Variants in DPYD observed in about 807,000 individuals in gnomAD.
The protein encoded by DPYD is dihydropyrimidine dehydrogenase [NADP(+)].
In DPYD, 109 loss-of-function variants were observed where a neutral mutation model predicts 116.2. That is an observed-to-expected ratio of 0.94 (90% CI 0.80 to 1.10). The LOEUF is 1.10. DPYD is among the 50% of genes least tolerant of loss of function. The pLI, the probability that DPYD is intolerant of heterozygous loss-of-function variation, is 0.00. For synonymous variants in DPYD, 440 were observed against 432.0 expected, an observed-to-expected ratio of 1.02 and a Z score of -0.23; for missense variants, 1,302 against 1,254.5, an observed-to-expected ratio of 1.04 and a Z score of -0.57.
At chr1:97,680,075 C>T (rs563423538) in intron 7 of DPYD, among the ~76,000 whole-genome samples, 1 of 152,216 alleles carries the variant, frequency 6.6e-6, no homozygotes, top group South Asian at 2.1e-4. Flanking sequence ...AAGTCTAGTT[C>T]ACAGTGGGCC....
intron 3 of DPYD, among the ~76,000 whole-genome samples, chr1:97,751,913 C>A (rs1664951459): frequency 6.6e-6 from 1 of 151,858 alleles, no homozygotes; most frequent in South Asian, 2.1e-4. Context: ...CAGGCCTGTG[C>A]CACCACATCC....
intron 1 of DPYD, among the ~76,000 whole-genome samples, chr1:97,886,421 G>A (rs530479753): frequency 1.4e-4 from 22 of 152,178 alleles, no homozygotes; most frequent in African/African-American, 5.3e-4. Context: ...TAGAGCCAAG[G>A]TTCTACCTCA....
chr1:97,917,484 C>T (rs566662700), intron 1 of DPYD, among the ~76,000 whole-genome samples: 2 of 152,288 alleles, frequency 1.3e-5, no homozygotes, highest in African/African-American at 4.8e-5. Flanking sequence ...GTTAATCATA[C>T]AGAAAATTCC....
chr1:97,224,699 T>C (rs1301571351), intron 19 of DPYD, among the ~76,000 whole-genome samples: 3 of 151,964 alleles, frequency 2.0e-5, no homozygotes, highest in Admixed American at 6.6e-5. Context: ...ATAACTACAG[T>C]TCTACTCTCT....
intron 20 of DPYD, among the ~76,000 whole-genome samples, chr1:97,136,252 G>A (rs1247788076): frequency 6.6e-6 from 1 of 152,134 alleles, no homozygotes; most frequent in East Asian, 1.9e-4. Context: ...AAAATGCTAG[G>A]AATCATTACA....
At chr1:97,254,049 TAA>T (rs887924984) in intron 18 of DPYD, among the ~76,000 whole-genome samples, 3 of 152,142 alleles carry the variant, frequency 2.0e-5, no homozygotes, top group African/African-American at 7.2e-5. Context: ...TAATATTACT[TAA>T]GTTACTTTAT....
At chr1:97,608,822 A>C (rs890015711) in intron 8 of DPYD, among the ~76,000 whole-genome samples, 1 of 151,962 alleles carries the variant, frequency 6.6e-6, no homozygotes, top group South Asian at 2.1e-4. Flanking sequence ...GTTTTGATTT[A>C]TCCCACTACT....
At chr1:97,647,500 G>T (rs377742179) in intron 8 of DPYD, among the ~76,000 whole-genome samples, 3 of 151,704 alleles carry the variant, frequency 2.0e-5, no homozygotes, top group Non-Finnish European at 4.4e-5. Flanking sequence ...TTTATCCAGC[G>T]TGAGTGTTTT....
chr1:97,628,452 G>A (rs891557680), intron 8 of DPYD, among the ~76,000 whole-genome samples: 1 of 152,034 alleles, frequency 6.6e-6, no homozygotes, highest in Admixed American at 6.6e-5. Flanking sequence ...AAATCAGCTA[G>A]TGATAAGAGA....
At chr1:97,615,483 C>CA (rs565581999) in intron 8 of DPYD, among the ~76,000 whole-genome samples, 35 of 152,240 alleles carry the variant, frequency 2.3e-4, no homozygotes, top group African/African-American at 8.2e-4. Flanking sequence ...TACCAAGTAA[C>CA]AAACAGAACC....
At chr1:97,178,759 C>T (rs1557916321) in intron 20 of DPYD, among the ~76,000 whole-genome samples, 1 of 152,198 alleles carries the variant, frequency 6.6e-6, no homozygotes, top group African/African-American at 2.4e-5. Flanking sequence ...TATTAATCCT[C>T]ATAGGCTGGT....
intron 14 of DPYD, among the ~76,000 whole-genome samples, chr1:97,423,925 A>G (rs1674724035): frequency 6.6e-6 from 1 of 152,266 alleles, no homozygotes; most frequent in African/African-American, 2.4e-5. Flanking sequence ...TTTCCAATAA[A>G]CCCACTATAA....
intron 13 of DPYD, among the ~76,000 whole-genome samples, chr1:97,498,879 AAACAAC>A (rs1356953734): frequency 2.9e-4 from 44 of 151,702 alleles, no homozygotes; most frequent in African/African-American, 9.7e-4. Context: ...ATTTAATAGA[AAACAAC>A]ATTGAAATTT....
chr1:97,407,767 A>T (rs1673750902), intron 14 of DPYD, among the ~76,000 whole-genome samples: 1 of 152,132 alleles, frequency 6.6e-6, no homozygotes, highest in African/African-American at 2.4e-5. Context: ...CATCACCCTT[A>T]GTGACCCACT....
At chr1:97,390,850 A>G (rs1354605692) in intron 14 of DPYD, among the ~76,000 whole-genome samples, 1 of 151,890 alleles carries the variant, frequency 6.6e-6, no homozygotes, top group Non-Finnish European at 1.5e-5. Context: ...ACTCCATAAT[A>G]TATTTTTATT....
At chr1:97,400,232 T>C (rs1673291234) in intron 14 of DPYD, among the ~76,000 whole-genome samples, 2 of 152,220 alleles carry the variant, frequency 1.3e-5, no homozygotes, top group African/African-American at 2.4e-5. Flanking sequence ...ATTGGTTCTG[T>C]TTATATGCTG....
intron 12 of DPYD, among the ~76,000 whole-genome samples, chr1:97,529,288 T>C (rs1649378521): frequency 6.6e-6 from 1 of 152,162 alleles, no homozygotes; most frequent in Non-Finnish European, 1.5e-5. Context: ...TCTATATCTA[T>C]CAAGTGCATT....
chr1:97,780,525 T>C (rs572159833), intron 3 of DPYD, among the ~76,000 whole-genome samples: 2 of 152,332 alleles, frequency 1.3e-5, no homozygotes, highest in African/African-American at 4.8e-5. Context: ...TGATGACATC[T>C]GTAAAAGCTA....
At chr1:97,658,118 CTT>C (rs1659044683) in intron 8 of DPYD, among the ~76,000 whole-genome samples, 1 of 152,058 alleles carries the variant, frequency 6.6e-6, no homozygotes, top group African/African-American at 2.4e-5. Flanking sequence ...AAGAAAATAT[CTT>C]GTTTGGTTAT....
Sources: allele counts gnomAD v4.1 joint callset (sites outside exome capture counted in the v4.1 genomes callset), GRCh38; gene constraint gnomAD v4.1.1; transcripts MANE v1.5; gene names NCBI Gene and HGNC (gene_info 2026-07-23, HGNC 2026-07-21).